ZBTB46: variants seen among roughly 807,000 people sequenced by gnomAD.
ZBTB46 encodes zinc finger and BTB domain containing 46.
A neutral mutation model predicts 44.1 loss-of-function variants in ZBTB46; 8 were observed. The observed-to-expected ratio is 0.18, with a 90% CI of 0.11 to 0.33. ZBTB46 has a LOEUF of 0.33. Among genes scored for constraint, ZBTB46 ranks in the 10% least tolerant of loss-of-function variants. ZBTB46 has a pLI of 1.00. For missense variants in ZBTB46, 651 were observed against 847.7 expected (o/e 0.77, Z 2.88); for synonymous variants, 409 against 382.3 (o/e 1.07, Z -0.81).
chr20:63,794,577 GTTCTAGGAGAATATTTGAATTTACATT>G, intron 1 of ZBTB46, among the ~76,000 whole-genome samples: 2 of 152,226 alleles, frequency 1.3e-5, no homozygotes, highest in African/African-American at 4.8e-5. Context: ...GAACAGGGAA[GTTCTAGGAGAATATTTGAATTTACATT>G]TCAAATTCAA....
rs1386082316 is a variant in ZBTB46, at chr20:63,782,096, A to AAAAAAAAGAAAG, written c.938-6135_938-6134insCTTTCTTTTTTT. Among the ~76,000 whole-genome samples, 50 of 124,976 alleles carry AAAAAAAAGAAAG rather than the reference A, an allele frequency of 4.0e-4. 1 individual carries two copies. Among genetic ancestry groups the AAAAAAAAGAAAG allele is most frequent in the African/African-American group, 1.4e-3 (48 of 34,340 alleles). The allele number at this position is 124,976 out of a possible 152,430, so 82.0% of individuals were successfully genotyped here. On this transcript the variant is annotated intron_variant, in intron 2 of 4. Coordinates refer to ENST00000245663, the MANE Select transcript of ZBTB46 (RefSeq NM_001369741.1). ...AGCAAGACTCCGTCTCAAAAAAAAA[A>AAAAAAAAGAAAG]AAAAGAAAAGAGGCGTGGCGATTTT...
At chr20:63,774,699 T>TTTTTTTTTTG (rs2092407091) in intron 3 of ZBTB46, among the ~76,000 whole-genome samples, 1 of 5,642 alleles carries the variant, frequency 1.8e-4, no homozygotes, top group Admixed American at 2.9e-3. Context: ...GTTTTTTTTG[T>TTTTTTTTTTG]TTTTTTTTTT....
At chr20:63,809,000 G>A (rs138883771) in intron 1 of ZBTB46, among the ~76,000 whole-genome samples, 304 of 113,358 alleles carry the variant, frequency 2.7e-3, no homozygotes, top group Non-Finnish European at 3.6e-3. Context: ...AAAAAAAAAA[G>A]AAAAAGAAAA....
intron 2 of ZBTB46, among the ~76,000 whole-genome samples, chr20:63,780,337 A>T (rs1252582553): frequency 6.6e-6 from 1 of 152,136 alleles, no homozygotes; most frequent in Non-Finnish European, 1.5e-5. Flanking sequence ...TAGCAAGGTA[A>T]CTCAATGGAT....
chr20:63,754,790 G>A (rs1030274542), intron 3 of ZBTB46, among the ~76,000 whole-genome samples: 21 of 151,852 alleles, frequency 1.4e-4, no homozygotes, highest in African/African-American at 4.6e-4. Context: ...TAGTAGAGAC[G>A]GGGTTTCACC....
intron 2 of ZBTB46, among the ~76,000 whole-genome samples, chr20:63,783,715 C>T (rs1464467741): frequency 2.6e-5 from 4 of 152,184 alleles, no homozygotes; most frequent in African/African-American, 4.8e-5. Context: ...AAGCATCTCC[C>T]GAGCAGCTGT....
intron 3 of ZBTB46, among the ~76,000 whole-genome samples, chr20:63,771,682 G>A (rs1164909485): frequency 1.3e-5 from 2 of 152,210 alleles, no homozygotes; most frequent in African/African-American, 2.4e-5. Flanking sequence ...GCAGGCGCTG[G>A]TGTCCACGGT....
At chr20:63,782,649 A>AACC (rs2092480435) in intron 2 of ZBTB46, among the ~76,000 whole-genome samples, 1 of 152,178 alleles carries the variant, frequency 6.6e-6, no homozygotes. Flanking sequence ...ACATCCAGAC[A>AACC]ACCACAGAAC....
In ZBTB46 at chr20:63,787,322, T is replaced by C. The variant is rs2092524360; in HGVS notation, c.937+2499A>G. 6.6e-6 allele frequency among the ~76,000 whole-genome samples: 1 copy of C among 151,970 alleles called. No individual in the cohort carries two copies. On this transcript the variant is annotated intron_variant, in intron 2 of 4. Coordinates refer to ENST00000245663, the MANE Select transcript of ZBTB46 (RefSeq NM_001369741.1). The surrounding 1 kb of genome is among the most constrained non-coding windows in gnomAD (Gnocchi z 4.6). ...CCATCGCCACATCCTAGCACAACTT[T>C]AAAAAATCAGTTTAGTGTAGGCCAC...
intron 2 of ZBTB46, among the ~76,000 whole-genome samples, chr20:63,780,869 G>A (rs1340404266): frequency 5.3e-5 from 8 of 151,592 alleles, no homozygotes; most frequent in South Asian, 2.1e-4. Flanking sequence ...AGTGGCTCAC[G>A]CCTGTAATCC....
chr20:63,751,536 G>A, intron 4 of ZBTB46, among the ~76,000 whole-genome samples: 1 of 152,098 alleles, frequency 6.6e-6, no homozygotes, highest in Non-Finnish European at 1.5e-5. Flanking sequence ...CTCCCACAGG[G>A]GTCGTTACCC....
intron 1 of ZBTB46, among the ~76,000 whole-genome samples, chr20:63,797,912 C>A (rs2092615762): frequency 6.6e-6 from 1 of 152,192 alleles, no homozygotes; most frequent in South Asian, 2.1e-4. Flanking sequence ...CGCCCTTTGT[C>A]ATGAGTAGAT....
At chr20:63,824,354 A>G (rs1003940264) in intron 1 of ZBTB46, among the ~76,000 whole-genome samples, 3 of 152,162 alleles carry the variant, frequency 2.0e-5, no homozygotes, top group Non-Finnish European at 4.4e-5. Flanking sequence ...AAATAAAAGG[A>G]TACTGCCATT....
chr20:63,780,314 T>C (rs181870613), intron 2 of ZBTB46, among the ~76,000 whole-genome samples: 20 of 151,354 alleles, frequency 1.3e-4, no homozygotes, highest in Admixed American at 8.6e-4. Context: ...ATTAATTTTA[T>C]GTATATAGTA....
intron 3 of ZBTB46, among the ~76,000 whole-genome samples, chr20:63,763,529 G>A (rs79852570): frequency 6.6e-6 from 1 of 152,258 alleles, no homozygotes; most frequent in Non-Finnish European, 1.5e-5. Context: ...AAGACGGAGG[G>A]TCATGGGGGA....
chr20:63,783,956 G>A (rs559227513), intron 2 of ZBTB46, among the ~76,000 whole-genome samples: 4 of 152,208 alleles, frequency 2.6e-5, no homozygotes, highest in East Asian at 1.9e-4. Context: ...CTCACATTCC[G>A]TCGGGCACCA....
At chr20:63,802,313 C>T (rs749646649) in intron 1 of ZBTB46, among the ~76,000 whole-genome samples, 42 of 152,168 alleles carry the variant, frequency 2.8e-4, no homozygotes, top group Non-Finnish European at 5.0e-4. Flanking sequence ...ATCCCAGCTA[C>T]TCAGGAGGCT....
chr20:63,777,709 G>A (rs1020208370), intron 2 of ZBTB46, among the ~76,000 whole-genome samples: 2 of 152,146 alleles, frequency 1.3e-5, no homozygotes, highest in Non-Finnish European at 2.9e-5. Flanking sequence ...CGCGTAGCAC[G>A]TTATCCATAA....
rs574012972 is a variant in ZBTB46, at chr20:63,795,026, C to T, written c.-33-4236G>A. On this transcript the variant is annotated intron_variant, in intron 1 of 4. Coordinates refer to ENST00000245663, the MANE Select transcript of ZBTB46 (RefSeq NM_001369741.1). ...CCAAGTCTCCAAAGAGTGGGTGCTG[C>T]GGGCTGCAGGGACCAAGGGGCACCC... Among the ~76,000 whole-genome samples, 3 of 152,278 alleles carry T rather than the reference C, an allele frequency of 2.0e-5. No homozygotes were observed. The South Asian group carries it at 6.3e-4, about 32-fold the overall frequency.
Sources: gnomAD v4.1 joint callset for allele counts (sites outside exome capture counted in the v4.1 genomes callset) on GRCh38, gnomAD v4.1.1 for gene constraint, Gnocchi (gnomAD v3.1) non-coding constraint, MANE v1.5 for transcripts, NCBI Gene and HGNC (gene_info 2026-07-23, HGNC 2026-07-21) for gene names.